Variants in TMA7 observed in about 807,000 individuals in gnomAD.
The protein encoded by TMA7 is translation machinery-associated protein 7.
Under a neutral mutation model 12.5 loss-of-function variants are expected in TMA7, and 5 were observed. The ratio of observed to expected loss-of-function variants is 0.40; its 90% CI spans 0.21 to 0.84. TMA7 has a LOEUF of 0.84. Among genes scored for constraint, TMA7 ranks in the 40% least tolerant of loss-of-function variants. The pLI is 0.36. For synonymous variants in TMA7, 36 were observed against 28.1 expected, an observed-to-expected ratio of 1.28 and a Z score of -0.89; for missense variants, 71 against 75.4, an observed-to-expected ratio of 0.94 and a Z score of 0.22.
At chr3:48,442,754 C>G (rs976308283) in intron 3 of TMA7, among the ~76,000 whole-genome samples, 1 of 152,064 alleles carries the variant, frequency 6.6e-6, no homozygotes, top group Non-Finnish European at 1.5e-5. Context: ...CTGGCCCAAT[C>G]CTATGCTGTT....
In TMA7 at chr3:48,444,124, A is replaced by C. The variant is rs141110854; in HGVS notation, c.*242A>C. On this transcript the variant is annotated 3_prime_UTR_variant, in exon 4 of 4. Coordinates refer to ENST00000438607, the MANE Select transcript of TMA7 (RefSeq NM_015933.6). ...TGTGAATTTAAAGTAAAACCAGCTC[A>C]GAATCTTGCCAGAGTCTGTTCTTTG... 912 of 362,732 alleles carry C rather than the reference A, an allele frequency of 2.5e-3. 6 individuals are homozygous for C. The highest frequency in any genetic ancestry group is 0.017 in the African/African-American group (809 of 47,832). The allele number at this position is 362,732 out of a possible 1,614,324, so 22.5% of individuals were successfully genotyped here.
intron 3 of TMA7, among the ~76,000 whole-genome samples, chr3:48,442,450 C>T (rs2039592468): frequency 6.8e-6 from 1 of 147,470 alleles, no homozygotes; most frequent in Non-Finnish European, 1.5e-5. Flanking sequence ...TGTAACCCTA[C>T]ACTTTTTTTT....
chr3:48,441,389 G>A (rs577801807), intron 3 of TMA7, among the ~76,000 whole-genome samples: 1 of 151,228 alleles, frequency 6.6e-6, no homozygotes, highest in East Asian at 1.9e-4. Context: ...CACCATGTTG[G>A]CCAAGCTGGT....
In TMA7 at chr3:48,440,383, C is replaced by A; in HGVS notation, c.17-20C>A. The A allele has an allele frequency of 1.2e-6, 2 of 1,611,648 alleles. No homozygotes were observed. The highest frequency in any genetic ancestry group is 1.7e-6 in the Non-Finnish European group (2 of 1,179,792). Reference sequence around the variant, plus strand: ...GACCGGGCGGCAGGGGCAGGCCGAACGTGCTCGTGTCGCCCACAGGTGGCA... The same window carrying A: ...GACCGGGCGGCAGGGGCAGGCCGAAAGTGCTCGTGTCGCCCACAGGTGGCA... On this transcript the variant is annotated intron_variant, in intron 1 of 3. Coordinates refer to ENST00000438607, the MANE Select transcript of TMA7 (RefSeq NM_015933.6).
At position 48,440,487 on chromosome 3, in the gene TMA7, G is replaced by C. The variant is rs752281346; in HGVS notation, c.72+29G>C. 4 of 1,604,760 alleles carry C rather than the reference G, an allele frequency of 2.5e-6. No individual in the cohort carries two copies. The Admixed American group carries it at 6.9e-5, about 28-fold the overall frequency. ...AGGGCGGGCGCGGAGGCACTGGCGGGTGCGGGGGCGCTGGGAGACAGGCCT... is the reference window on the plus strand; with the variant it reads ...AGGGCGGGCGCGGAGGCACTGGCGGCTGCGGGGGCGCTGGGAGACAGGCCT... On this transcript the variant is annotated intron_variant, in intron 2 of 3. Transcript: ENST00000438607.
At chr3:48,443,535 GAAA>G (rs35356755) in intron 3 of TMA7, among the ~76,000 whole-genome samples, 8 of 114,736 alleles carry the variant, frequency 7.0e-5, no homozygotes, top group East Asian at 2.5e-4. Context: ...TTCCATCTCA[GAAA>G]AAAAAAAAAA....
At position 48,444,202 on chromosome 3, in the gene TMA7, G is replaced by A. The variant is rs2039627725; in HGVS notation, c.*320G>A. 4.4e-6 allele frequency: 1 copy of A among 229,020 alleles called. No individual in the cohort carries two copies. Among genetic ancestry groups the A allele is most frequent in the Non-Finnish European group, 8.4e-6 (1 of 118,594 alleles). 14.2% of individuals were successfully genotyped at this position (229,020 alleles called of 1,614,324 possible). On this transcript the variant is annotated 3_prime_UTR_variant, in exon 4 of 4. Transcript: ENST00000438607. ...CACCTGAAATTAAACCAACTCATTT[G>A]AAAGGATGGCGTTCTTGTGTGGTTG...
chr3:48,440,353 G>A (rs760720991), intron 1 of TMA7, 41 bp downstream of exon 1: 10 of 1,611,934 alleles, frequency 6.2e-6, no homozygotes, highest in Non-Finnish European at 8.5e-6. Flanking sequence ...GGACGGCGGG[G>A]TGGGGACCGG....
rs562557064 is a variant in TMA7 at position 48,441,382 on chromosome 3, C to A, written c.160+754C>A. Among the ~76,000 whole-genome samples the A allele has an allele frequency of 2.6e-5, 4 of 151,830 alleles. No individual in the cohort carries two copies. In the South Asian group the frequency reaches 8.3e-4, roughly 32 times the overall value. On this transcript the variant is annotated intron_variant, in intron 3 of 3. Coordinates refer to ENST00000438607, the MANE Select transcript of TMA7 (RefSeq NM_015933.6). ...ATTTATAGTAGAGACGGAGTTTCACCATGTTGGCCAAGCTGGTCTCGAACT... is the reference window on the plus strand; with the variant it reads ...ATTTATAGTAGAGACGGAGTTTCACAATGTTGGCCAAGCTGGTCTCGAACT...
Position 48,440,326 on chromosome 3 carries a change from A to T in TMA7, c.16+14A>T, listed in dbSNP as rs377181258. 1.4e-5 allele frequency: 22 copies of T among 1,611,514 alleles called. No homozygotes were observed. The highest frequency in any genetic ancestry group is 6.7e-5 in the African/African-American group (5 of 75,018). ...CCGGCCGCGAAGGTAAGTGTTCCGG[A>T]ACCGTGAGGACTGCGGGGACGGCGG... On this transcript the variant is annotated intron_variant, in intron 1 of 3. Coordinates refer to ENST00000438607, the MANE Select transcript of TMA7 (RefSeq NM_015933.6).
At chr3:48,440,796 G>A (rs1046431220) in intron 3 of TMA7, 168 bp downstream of exon 3, 3 of 660,548 alleles carry the variant, frequency 4.5e-6, no homozygotes, top group Non-Finnish European at 7.9e-6. Context: ...GCGGCAGTAA[G>A]GGCCGGGAGC....
chr3:48,440,727 A>C lies in TMA7; in HGVS notation c.160+99A>C, dbSNP rs1018918969. 11 of 1,106,128 alleles carry C rather than the reference A, an allele frequency of 9.9e-6. No homozygotes were observed. The Admixed American group carries it at 1.8e-4, about 18-fold the overall frequency. The allele number at this position is 1,106,128 out of a possible 1,614,324, so 68.5% of individuals were successfully genotyped here. On this transcript the variant is annotated intron_variant, in intron 3 of 3. Coordinates refer to ENST00000438607, the MANE Select transcript of TMA7 (RefSeq NM_015933.6). ...TCTTTTTCCTGCCTCCTGAACTGCG[A>C]GGTCTCGTTTTCCGACGTCCGCTGC...
intron 3 of TMA7, 86 bp downstream of exon 3, chr3:48,440,714 C>A: frequency 8.2e-7 from 1 of 1,213,914 alleles, no homozygotes; most frequent in South Asian, 1.3e-5. Flanking sequence ...TTTTTCCTGC[C>A]TCCTGAACTG....
chr3:48,440,650 C>T (rs763592677), intron 3 of TMA7, 22 bp downstream of exon 3: 3 of 1,603,698 alleles, frequency 1.9e-6, no homozygotes, highest in Non-Finnish European at 2.6e-6. Flanking sequence ...CCGAATGGAG[C>T]TCAAGCTGGC....
intron 3 of TMA7, among the ~76,000 whole-genome samples, chr3:48,442,067 T>A (rs572648938): frequency 6.6e-5 from 10 of 152,116 alleles, no homozygotes; most frequent in East Asian, 3.9e-4. Context: ...ACAGAAAAAA[T>A]TTAAAATTAG....
At chr3:48,442,940 C>A (rs1044934103) in intron 3 of TMA7, among the ~76,000 whole-genome samples, 1 of 151,818 alleles carries the variant, frequency 6.6e-6, no homozygotes, top group East Asian at 1.9e-4. Flanking sequence ...CAACACCTAA[C>A]AATAAGACTT....
chr3:48,440,644 A>G lies in TMA7; in HGVS notation c.160+16A>G, dbSNP rs1158605067. 1.1e-5 allele frequency: 17 copies of G among 1,607,156 alleles called. No homozygotes were observed. The highest frequency in any genetic ancestry group is 1.4e-5 in the Non-Finnish European group (17 of 1,177,576). On this transcript the variant is annotated intron_variant, in intron 3 of 3. Coordinates refer to ENST00000438607, the MANE Select transcript of TMA7 (RefSeq NM_015933.6). ...GGGCCCTTGGGTAAGTGGGGGCCGA[A>G]TGGAGCTCAAGCTGGCCAAACGCTA...
intron 3 of TMA7, 30 bp from the exon 4 acceptor site, chr3:48,443,818 T>C: frequency 6.5e-7 from 1 of 1,543,840 alleles, no homozygotes; most frequent in Non-Finnish European, 8.7e-7. Flanking sequence ...ACTATATTTT[T>C]CCCTAATTGT....
In TMA7 at chr3:48,440,834, C is replaced by T. The variant is rs536004697; in HGVS notation, c.160+206C>T. 10 of 603,290 alleles carry T rather than the reference C, an allele frequency of 1.7e-5. No homozygotes were observed. The African/African-American group carries it at 1.7e-4, about 10-fold the overall frequency. 37.4% of individuals were successfully genotyped at this position (603,290 alleles called of 1,614,324 possible). A position where few individuals can be genotyped will look rare whatever the true frequency, so the allele number is the denominator to read the frequency against. The stretch of plus-strand genomic sequence containing the variant: ...GAAACGAGGTCTCCTGCCTCCCAGG[C>T]AGTCTGGGCTTCCATTCCTTAGGAA... On this transcript the variant is annotated intron_variant, in intron 3 of 3. Transcript: ENST00000438607.
Sources: allele counts gnomAD v4.1 joint callset (sites outside exome capture counted in the v4.1 genomes callset), GRCh38; gene constraint gnomAD v4.1.1; transcripts MANE v1.5; gene names NCBI Gene and HGNC (gene_info 2026-07-23, HGNC 2026-07-21).